FRMPD4: variants seen among roughly 807,000 people sequenced by gnomAD.
The protein encoded by FRMPD4 is FERM and PDZ domain-containing protein 4.
Under a neutral mutation model 94.1 loss-of-function variants are expected in FRMPD4, and 22 were observed. The observed-to-expected ratio is 0.23, with a 90% CI of 0.17 to 0.33. The LOEUF is 0.33. Among genes scored for constraint, FRMPD4 ranks in the 10% least tolerant of loss-of-function variants. The pLI is 1.00. For synonymous variants in FRMPD4, 631 were observed against 548.6 expected, an observed-to-expected ratio of 1.15 and a Z score of -2.10; for missense variants, 1,111 against 1,339.9, an observed-to-expected ratio of 0.83 and a Z score of 2.67.
chrX:12,454,500 G>A lies in FRMPD4; in HGVS notation c.42-44180G>A, dbSNP rs995312719. ...AATAACCACGTGATCGTGGACTGCC[G>A]AGAATATTGAATGTCAAAGAATTGC... On this transcript the variant is annotated intron_variant, in intron 1 of 16. Coordinates refer to ENST00000675598, the MANE Select transcript of FRMPD4 (RefSeq NM_001368397.1). 2.7e-5 allele frequency among the ~76,000 whole-genome samples: 3 copies of A among 109,275 alleles called. No individual in the cohort carries two copies. The Admixed American group carries it at 2.9e-4, about 11-fold the overall frequency. 94.9% of individuals were successfully genotyped at this position (109,275 alleles called of 115,157 possible). A position where few individuals can be genotyped will look rare whatever the true frequency, so the allele number is the denominator to read the frequency against.
At chrX:12,521,698 T>G (rs142930129) in intron 2 of FRMPD4, among the ~76,000 whole-genome samples, 1,469 of 112,173 alleles carry the variant, frequency 0.013, 12 homozygotes, top group Non-Finnish European at 0.021. Context: ...TTAAAGGCTT[T>G]ATTTTCCAGT....
intron 1 of FRMPD4, among the ~76,000 whole-genome samples, chrX:12,156,450 C>A (rs2147608285): frequency 9.0e-6 from 1 of 111,407 alleles, no homozygotes; most frequent in Admixed American, 9.5e-5. Flanking sequence ...ATTGATATCT[C>A]AAAAGGGGTG....
intron 3 of FRMPD4, among the ~76,000 whole-genome samples, chrX:12,126,293 G>A (rs2055499531): frequency 8.9e-6 from 1 of 112,109 alleles, no homozygotes; most frequent in Non-Finnish European, 1.9e-5. Context: ...CCCAAGGAAG[G>A]TCAGAATGAA....
Position 12,614,813 on chromosome X carries a change from T to C in FRMPD4, c.354T>C (p.Asp118=). The change falls in exon 4 of 17, where the codon GAT becomes GAC. Residue 118 remains aspartate, a synonymous_variant. Transcript: ENST00000675598. ...GPSEGKLIPG[D]QIVMINDEPV... ...CTGAAGGCAAGCTGATCCCGGGAGA[T>C]CAGATTGTAATGATTAATGATGAAC... 1 of 1,191,798 alleles carries C rather than the reference T, an allele frequency of 8.4e-7. No individual in the cohort carries two copies. Among genetic ancestry groups the C allele is most frequent in the Admixed American group, 2.2e-5 (1 of 45,854 alleles).
intron 1 of FRMPD4, among the ~76,000 whole-genome samples, chrX:12,346,810 C>G (rs772488273): frequency 8.9e-6 from 1 of 112,243 alleles, no homozygotes; most frequent in East Asian, 2.8e-4. Context: ...ATCCCCTTCT[C>G]TTAAAAAAGT....
At chrX:12,231,937 T>G (rs2057014958) in intron 1 of FRMPD4, among the ~76,000 whole-genome samples, 1 of 111,794 alleles carries the variant, frequency 8.9e-6, no homozygotes, top group Non-Finnish European at 1.9e-5. Flanking sequence ...CCATACCAGC[T>G]CCCTATTTAA....
At chrX:12,516,433 G>A (rs1379706726) in intron 2 of FRMPD4, among the ~76,000 whole-genome samples, 2 of 111,947 alleles carry the variant, frequency 1.8e-5, no homozygotes, top group African/African-American at 6.5e-5. Flanking sequence ...GTCTGAAAAG[G>A]ATTTTATTTC....
chrX:12,385,374 G>A (rs1042021129), intron 1 of FRMPD4, among the ~76,000 whole-genome samples: 6 of 112,313 alleles, frequency 5.3e-5, no homozygotes, highest in African/African-American at 1.3e-4. Flanking sequence ...GTTTCCCATC[G>A]TGTCTATGCA....
intron 4 of FRMPD4, among the ~76,000 whole-genome samples, chrX:12,633,806 A>G (rs2059418755): frequency 1.8e-5 from 2 of 112,284 alleles, no homozygotes; most frequent in Admixed American, 1.9e-4. Context: ...TTATTTCAAC[A>G]TCTTCACTTA....
chrX:12,606,415 T>C (rs1021803925), intron 2 of FRMPD4, among the ~76,000 whole-genome samples: 2 of 111,924 alleles, frequency 1.8e-5, no homozygotes, highest in Non-Finnish European at 3.8e-5. Flanking sequence ...CTGGTTCCCA[T>C]CCCAGATATT....
At chrX:12,087,708 GT>G (rs1485216972) in intron 3 of FRMPD4, among the ~76,000 whole-genome samples, 1 of 111,986 alleles carries the variant, frequency 8.9e-6, no homozygotes, top group South Asian at 3.8e-4. Flanking sequence ...TACGTTTAGG[GT>G]TTTTTTCTTT....
At chrX:12,326,980 A>G (rs756977640) in intron 1 of FRMPD4, among the ~76,000 whole-genome samples, 1 of 110,898 alleles carries the variant, frequency 9.0e-6, no homozygotes, top group Non-Finnish European at 1.9e-5. Flanking sequence ...ATTAATTTCC[A>G]TCTGAGTCAC....
intron 1 of FRMPD4, among the ~76,000 whole-genome samples, chrX:12,326,258 C>A (rs1424182067): frequency 8.9e-6 from 1 of 112,049 alleles, no homozygotes; most frequent in Non-Finnish European, 1.9e-5. Flanking sequence ...ACTGCCCCAT[C>A]TATTTTAGAT....
At chrX:12,098,463 T>C (rs2055226032) in intron 3 of FRMPD4, among the ~76,000 whole-genome samples, 1 of 112,439 alleles carries the variant, frequency 8.9e-6, no homozygotes, top group Non-Finnish European at 1.9e-5. Flanking sequence ...GGTGAGGCTA[T>C]GAGTGGCCTC....
chrX:12,001,012 T>A (rs1222930917), intron 3 of FRMPD4, among the ~76,000 whole-genome samples: 1 of 112,288 alleles, frequency 8.9e-6, no homozygotes, highest in Non-Finnish European at 1.9e-5. Context: ...TGCATTCAGC[T>A]ACAGAAATGT....
chrX:12,642,671 G>A (rs760376659), intron 4 of FRMPD4, among the ~76,000 whole-genome samples: 4 of 112,966 alleles, frequency 3.5e-5, no homozygotes, highest in South Asian at 3.7e-4. Flanking sequence ...GAAGGCCAAC[G>A]TGGGTGGATT....
At chrX:11,901,440 T>A (rs908605226) in intron 3 of FRMPD4, among the ~76,000 whole-genome samples, 1 of 112,723 alleles carries the variant, frequency 8.9e-6, no homozygotes, top group African/African-American at 3.2e-5. Context: ...TCATTCCTTT[T>A]TATGGCTGAG....
Position 12,722,648 on chromosome X carries a change from A to G in FRMPD4, c.*790A>G, listed in dbSNP as rs1316339653. On this transcript the variant is annotated 3_prime_UTR_variant, in exon 17 of 17. Coordinates refer to ENST00000675598, the MANE Select transcript of FRMPD4 (RefSeq NM_001368397.1). Reference sequence around the variant, plus strand: ...ATTACATAAAATGTATGGAATTAATAATACCAAAATTAATTATTTGATGGA... The same window carrying G: ...ATTACATAAAATGTATGGAATTAATGATACCAAAATTAATTATTTGATGGA... 8.9e-6 allele frequency: 1 copy of G among 112,127 alleles called. No individual in the cohort carries two copies. The highest frequency in any genetic ancestry group is 9.5e-5 in the Admixed American group (1 of 10,550). 9.2% of individuals were successfully genotyped at this position (112,127 alleles called of 1,213,427 possible).
At chrX:11,879,171 A>G (rs7053259) in intron 3 of FRMPD4, among the ~76,000 whole-genome samples, 6,935 of 111,780 alleles carry the variant, frequency 0.062, 519 homozygotes, top group African/African-American at 0.21. Context: ...GACATTTGGA[A>G]CTAGCTACTG....
Sources: gnomAD v4.1 joint callset for allele counts (sites outside exome capture counted in the v4.1 genomes callset) on GRCh38, gnomAD v4.1.1 for gene constraint, MANE v1.5 for transcripts, NCBI Gene and HGNC (gene_info 2026-07-23, HGNC 2026-07-21) for gene names.